The following SCHIP1 variants were observed in gnomAD, a reference collection of about 807,000 sequenced individuals.
The protein encoded by SCHIP1 is schwannomin-interacting protein 1.
In SCHIP1, 8 loss-of-function variants were observed where a neutral mutation model predicts 29.7. The ratio of observed to expected loss-of-function variants is 0.27; its 90% CI spans 0.16 to 0.49. SCHIP1 has a LOEUF of 0.49. Ranked by LOEUF, SCHIP1 falls within the 20% of genes least tolerant of loss-of-function variation. The probability of loss-of-function intolerance (pLI) is 0.99; values close to 1 mark genes in which losing one functional copy is unlikely to be tolerated. For synonymous variants in SCHIP1, 76 were observed against 94.9 expected (o/e 0.80, Z 1.16); for missense variants, 193 against 294.6 (o/e 0.66, Z 2.52).
At chr3:159,415,322 G>T in the SCHIP1 span, among the ~76,000 whole-genome samples, 1 of 152,014 alleles carries the variant, frequency 6.6e-6, no homozygotes, top group Non-Finnish European at 1.5e-5. Context: ...TTTAGGTTTG[G>T]GGGTACATGA....
chr3:159,847,251 T>C (rs1711968501), intron 1 of SCHIP1, among the ~76,000 whole-genome samples: 1 of 152,190 alleles, frequency 6.6e-6, no homozygotes, highest in African/African-American at 2.4e-5. Context: ...TGCACATACA[T>C]AACGCACAAA....
chr3:159,511,595 C>A, the SCHIP1 span, among the ~76,000 whole-genome samples: 16 of 152,240 alleles, frequency 1.1e-4, no homozygotes, highest in Non-Finnish European at 2.1e-4. Context: ...TGTTCCTATT[C>A]GGCCATCTTG....
chr3:159,631,834 C>CA, the SCHIP1 span, among the ~76,000 whole-genome samples: 5 of 151,946 alleles, frequency 3.3e-5, no homozygotes, highest in Admixed American at 6.6e-5. Context: ...TATTTTACCA[C>CA]AAAAAAATTT....
the SCHIP1 span, among the ~76,000 whole-genome samples, chr3:159,572,470 T>A: frequency 6.6e-6 from 1 of 152,362 alleles, no homozygotes; most frequent in East Asian, 1.9e-4. Flanking sequence ...GATTGCACTG[T>A]GGTCTGAGAG....
the SCHIP1 span, among the ~76,000 whole-genome samples, chr3:159,665,761 T>C: frequency 5.3e-5 from 8 of 152,160 alleles, no homozygotes; most frequent in Non-Finnish European, 1.0e-4. Context: ...AGTTGTCTCA[T>C]TTCTTTTCAG....
At chr3:159,363,993 A>C in the SCHIP1 span, among the ~76,000 whole-genome samples, 3 of 152,248 alleles carry the variant, frequency 2.0e-5, no homozygotes, top group Non-Finnish European at 4.4e-5. Context: ...GCAATTCTAA[A>C]ATAGCAAACT....
the SCHIP1 span, chr3:159,398,887 G>A: frequency 2.5e-6 from 2 of 807,920 alleles, no homozygotes; most frequent in Non-Finnish European, 3.0e-6. Context: ...CACCCAAGTA[G>A]AAACGTCCTG....
At chr3:159,765,228 G>T in the SCHIP1 span, 84 of 1,376,844 alleles carry the variant, frequency 6.1e-5, no homozygotes, top group African/African-American at 1.1e-3. Context: ...GCTCCCGCCC[G>T]CCCGCGGCCC....
At chr3:159,674,823 C>T in the SCHIP1 span, among the ~76,000 whole-genome samples, 1 of 152,066 alleles carries the variant, frequency 6.6e-6, no homozygotes, top group South Asian at 2.1e-4. Flanking sequence ...AATATATGGG[C>T]ACATGTCTCC....
At chr3:159,518,389 GTTT>G in the SCHIP1 span, among the ~76,000 whole-genome samples, 5 of 151,822 alleles carry the variant, frequency 3.3e-5, no homozygotes, top group African/African-American at 1.2e-4. Flanking sequence ...GGCTACATAG[GTTT>G]TTATTTTATT....
At chr3:159,746,078 G>A in the SCHIP1 span, among the ~76,000 whole-genome samples, 1 of 152,172 alleles carries the variant, frequency 6.6e-6, no homozygotes. Flanking sequence ...TAGGAACATG[G>A]GGTTCATTGT....
chr3:159,318,991 C>T, the SCHIP1 span, among the ~76,000 whole-genome samples: 1 of 152,154 alleles, frequency 6.6e-6, no homozygotes, highest in African/African-American at 2.4e-5. Context: ...TCCTAGAGGC[C>T]TCTGCTGTGA....
At chr3:159,545,486 G>A in the SCHIP1 span, among the ~76,000 whole-genome samples, 1 of 151,684 alleles carries the variant, frequency 6.6e-6, no homozygotes, top group African/African-American at 2.4e-5. Flanking sequence ...TTTGGAACCT[G>A]GACTGGCTCT....
chr3:159,785,952 CATCTT>C, the SCHIP1 span, among the ~76,000 whole-genome samples: 8 of 152,260 alleles, frequency 5.3e-5, no homozygotes, highest in South Asian at 2.1e-4. Context: ...AATTTTAAAA[CATCTT>C]ATTTTTGTTG....
chr3:159,300,802 C>T, the SCHIP1 span, among the ~76,000 whole-genome samples: 4 of 152,232 alleles, frequency 2.6e-5, no homozygotes, highest in African/African-American at 9.6e-5. Flanking sequence ...TCCTCTCTCC[C>T]TCTGTGGGGT....
the SCHIP1 span, among the ~76,000 whole-genome samples, chr3:159,512,040 G>C: frequency 2.0e-5 from 3 of 152,070 alleles, no homozygotes; most frequent in Admixed American, 2.0e-4. Flanking sequence ...AGCATCACTA[G>C]AAAGATGAAA....
chr3:159,800,222 T>G, the SCHIP1 span, among the ~76,000 whole-genome samples: 1 of 152,138 alleles, frequency 6.6e-6, no homozygotes, highest in Admixed American at 6.5e-5. Context: ...ACACTCTGAT[T>G]TTATGACCAA....
the SCHIP1 span, among the ~76,000 whole-genome samples, chr3:159,813,781 C>T: frequency 1.3e-5 from 2 of 152,130 alleles, no homozygotes; most frequent in African/African-American, 4.8e-5. Context: ...TGATCACTTC[C>T]TTAAACCCTG....
chr3:159,567,731 A>G, the SCHIP1 span, among the ~76,000 whole-genome samples: 3 of 152,126 alleles, frequency 2.0e-5, no homozygotes, highest in African/African-American at 7.2e-5. Flanking sequence ...CCAAACTTGA[A>G]CAATTTGGAC....
Sources: allele counts gnomAD v4.1 joint callset (sites outside exome capture counted in the v4.1 genomes callset), GRCh38; gene constraint gnomAD v4.1.1; transcripts MANE v1.5; gene names NCBI Gene and HGNC (gene_info 2026-07-23, HGNC 2026-07-21).